Variants in EXOC4 observed in about 807,000 individuals in gnomAD.
EXOC4 encodes exocyst complex component 4, also known as SEC8-like 1.
In EXOC4, 71 loss-of-function variants were observed where a neutral mutation model predicts 107.2. The ratio of observed to expected loss-of-function variants is 0.66; its 90% CI spans 0.55 to 0.81. EXOC4 has a LOEUF of 0.81. Among genes scored for constraint, EXOC4 ranks in the 30% least tolerant of loss-of-function variants. The pLI, the probability that EXOC4 is intolerant of heterozygous loss-of-function variation, is 0.00. For synonymous variants in EXOC4, 456 were observed against 441.2 expected (o/e 1.03, Z -0.42); for missense variants, 1,108 against 1,189.6 (o/e 0.93, Z 1.01).
At chr7:133,692,112 A>G (rs1370077351) in intron 10 of EXOC4, among the ~76,000 whole-genome samples, 1 of 152,162 alleles carries the variant, frequency 6.6e-6, no homozygotes, top group Non-Finnish European at 1.5e-5. Flanking sequence ...TGTCTGTGGT[A>G]GTTTTAACCT....
At chr7:133,926,257 T>C (rs1349917106) in intron 13 of EXOC4, among the ~76,000 whole-genome samples, 1 of 152,166 alleles carries the variant, frequency 6.6e-6, no homozygotes, top group Non-Finnish European at 1.5e-5. Context: ...GGCTAGAATT[T>C]GACTCTAGGT....
At chr7:133,619,574 G>A (rs1157808277) in intron 9 of EXOC4, among the ~76,000 whole-genome samples, 1 of 152,096 alleles carries the variant, frequency 6.6e-6, no homozygotes, top group African/African-American at 2.4e-5. Flanking sequence ...CCAACCATAC[G>A]CTTTAGGTCA....
At chr7:133,788,522 G>A (rs996690795) in intron 10 of EXOC4, among the ~76,000 whole-genome samples, 6 of 151,700 alleles carry the variant, frequency 4.0e-5, no homozygotes, top group Admixed American at 3.9e-4. Flanking sequence ...ACAGAGTATT[G>A]GTCTGTCACC....
rs373051328 is a variant in EXOC4 at position 133,571,551 on chromosome 7, TC to T, written c.1418-58492del. On this transcript the variant is annotated intron_variant, in intron 9 of 17. Coordinates refer to ENST00000253861, the MANE Select transcript of EXOC4 (RefSeq NM_021807.4). ...CAGGCATGGTGTCATGCGCCTGTAG[TC>T]CTAGGTACTTGGGAGGCTGAGGCCA... Among the ~76,000 whole-genome samples, 29 of 152,068 alleles carry T rather than the reference TC, an allele frequency of 1.9e-4. 1 individual carries two copies. In the East Asian group the frequency reaches 4.1e-3, roughly 21 times the overall value.
chr7:133,538,188 A>G (rs542643564), intron 9 of EXOC4, among the ~76,000 whole-genome samples: 6 of 152,310 alleles, frequency 3.9e-5, no homozygotes, highest in African/African-American at 1.4e-4. Flanking sequence ...TGGTACAAGA[A>G]TTGGAAAATA....
chr7:133,381,681 T>G (rs1017721573), intron 7 of EXOC4, among the ~76,000 whole-genome samples: 3 of 152,180 alleles, frequency 2.0e-5, no homozygotes, highest in African/African-American at 7.2e-5. Context: ...TGATTTATCT[T>G]TACAGTAATA....
intron 17 of EXOC4, among the ~76,000 whole-genome samples, chr7:134,041,500 A>G (rs1163690406): frequency 6.6e-6 from 1 of 152,208 alleles, no homozygotes; most frequent in Non-Finnish European, 1.5e-5. Flanking sequence ...CAATTTGAAT[A>G]CAACATGTAA....
intron 10 of EXOC4, among the ~76,000 whole-genome samples, chr7:133,733,970 T>A (rs1279380407): frequency 1.3e-5 from 2 of 152,176 alleles, no homozygotes; most frequent in Non-Finnish European, 1.5e-5. Flanking sequence ...ATCCTTAGAA[T>A]CAAAAAAGTG....
chr7:134,058,675 G>GAA (rs869255822), intron 17 of EXOC4, among the ~76,000 whole-genome samples: 39 of 115,400 alleles, frequency 3.4e-4, no homozygotes, highest in African/African-American at 1.3e-3. Flanking sequence ...CAAAGAAAGA[G>GAA]CTGAGTATGG....
intron 3 of EXOC4, among the ~76,000 whole-genome samples, chr7:133,295,173 T>C (rs1794490778): frequency 6.6e-6 from 1 of 152,070 alleles, no homozygotes; most frequent in Non-Finnish European, 1.5e-5. Context: ...AAAGTTGAAG[T>C]AGGGTTGGAT....
chr7:134,031,915 G>T (rs1311266339), intron 17 of EXOC4, among the ~76,000 whole-genome samples: 1 of 152,092 alleles, frequency 6.6e-6, no homozygotes, highest in Non-Finnish European at 1.5e-5. Flanking sequence ...GTAAAGTCCT[G>T]GTTTAAAATA....
chr7:133,356,845 T>C (rs1362075678), intron 6 of EXOC4, among the ~76,000 whole-genome samples: 1 of 152,174 alleles, frequency 6.6e-6, no homozygotes, highest in Non-Finnish European at 1.5e-5. Context: ...CTGGGCATGG[T>C]AGTGCATGCC....
At chr7:133,840,756 C>T (rs1285565036) in intron 11 of EXOC4, among the ~76,000 whole-genome samples, 2 of 152,154 alleles carry the variant, frequency 1.3e-5, no homozygotes, top group Non-Finnish European at 2.9e-5. Context: ...GCTGGGATTA[C>T]AGGCGTGAGC....
In EXOC4 at chr7:133,606,519, T is replaced by TA. The variant is rs1356063575; in HGVS notation, c.1418-23526_1418-23525insA. Among the ~76,000 whole-genome samples, 1,050 of 122,060 alleles carry TA rather than the reference T, an allele frequency of 8.6e-3. 7 individuals are homozygous for TA. Among genetic ancestry groups the TA allele is most frequent in the South Asian group, 0.03 (121 of 4,100 alleles). The allele number at this position is 122,060 out of a possible 152,430, so 80.1% of individuals were successfully genotyped here. A position where few individuals can be genotyped will look rare whatever the true frequency, so the allele number is the denominator to read the frequency against. ...TGTTTATTATTATTATTATTATTATTTTTTTTTTTTTTTGAGGTGGAGTCT... is the reference window on the plus strand; with the variant it reads ...TGTTTATTATTATTATTATTATTATTATTTTTTTTTTTTTGAGGTGGAGTCT... On this transcript the variant is annotated intron_variant, in intron 9 of 17. Transcript: ENST00000253861.
chr7:133,737,435 C>A (rs1418052112), intron 10 of EXOC4, among the ~76,000 whole-genome samples: 1 of 149,760 alleles, frequency 6.7e-6, no homozygotes, highest in Admixed American at 6.7e-5. Context: ...TATAAATGTT[C>A]TTTTTTCTTA....
chr7:133,986,356 A>G (rs1294555773), intron 14 of EXOC4, among the ~76,000 whole-genome samples: 1 of 152,222 alleles, frequency 6.6e-6, no homozygotes, highest in Admixed American at 6.5e-5. Flanking sequence ...ATAGCAAAAG[A>G]ACTTAAAACT....
At chr7:133,301,458 G>C (rs185560302) in intron 3 of EXOC4, among the ~76,000 whole-genome samples, 25 of 152,286 alleles carry the variant, frequency 1.6e-4, no homozygotes, top group African/African-American at 5.1e-4. Flanking sequence ...GAATGGTTAT[G>C]TTGTCTTGCT....
chr7:133,491,408 A>T (rs2150874980), intron 9 of EXOC4, among the ~76,000 whole-genome samples: 2 of 152,278 alleles, frequency 1.3e-5, no homozygotes, highest in South Asian at 4.1e-4. Context: ...TGATGTTCAT[A>T]TGTGGAATAT....
chr7:133,882,539 C>T (rs1040879887), intron 11 of EXOC4, among the ~76,000 whole-genome samples: 1 of 152,152 alleles, frequency 6.6e-6, no homozygotes, highest in Non-Finnish European at 1.5e-5. Flanking sequence ...TATAAGTATG[C>T]TAAATGTTGT....
Sources: gnomAD v4.1 joint callset for allele counts (sites outside exome capture counted in the v4.1 genomes callset) on GRCh38, gnomAD v4.1.1 for gene constraint, MANE v1.5 for transcripts, NCBI Gene and HGNC (gene_info 2026-07-23, HGNC 2026-07-21) for gene names.